Variants in TDO2 observed in about 807,000 individuals in gnomAD.
TDO2 encodes tryptamin 2,3-dioxygenase.
Under a neutral mutation model 61.2 loss-of-function variants are expected in TDO2, and 63 were observed. The observed-to-expected ratio is 1.03, with a 90% CI of 0.84 to 1.27. TDO2 has a LOEUF of 1.27. TDO2 is among the 50% of genes most tolerant of loss of function. The pLI is 0.00. For synonymous variants in TDO2, 183 were observed against 164.0 expected (o/e 1.12, Z -0.89); for missense variants, 494 against 469.5 (o/e 1.05, Z -0.48).
intron 7 of TDO2, among the ~76,000 whole-genome samples, chr4:155,912,066 C>A (rs930462324): frequency 6.6e-6 from 1 of 152,124 alleles, no homozygotes; most frequent in Non-Finnish European, 1.5e-5. Flanking sequence ...GGTCTCTCAT[C>A]CTCTTGGCAT....
At chr4:155,911,668 A>AT (rs1742834348) in intron 7 of TDO2, 64 bp downstream of exon 7, 1 of 1,186,210 alleles carries the variant, frequency 8.4e-7, no homozygotes. Context: ...TATTTTAATT[A>AT]TTTTTTGCTT....
Position 155,920,142 on chromosome 4 carries a change from T to G in TDO2, c.*152T>G. 1 of 688,932 alleles carries G rather than the reference T, an allele frequency of 1.5e-6. No individual in the cohort carries two copies. Among genetic ancestry groups the G allele is most frequent in the Non-Finnish European group, 2.4e-6 (1 of 415,488 alleles). The allele number at this position is 688,932 out of a possible 1,614,324, so 42.7% of individuals were successfully genotyped here. A position where few individuals can be genotyped will look rare whatever the true frequency, so the allele number is the denominator to read the frequency against. ...ATTCTAGAAACAATTTGATTACCTC[T>G]TGTTTGTGACAAGACTAAGCATTAA... On this transcript the variant is annotated 3_prime_UTR_variant, in exon 12 of 12. Transcript: ENST00000536354.
rs377025825 is a variant in TDO2, at chr4:155,906,149, G to C, written c.232+992G>C. On this transcript the variant is annotated intron_variant, in intron 3 of 11. Coordinates refer to ENST00000536354, the MANE Select transcript of TDO2 (RefSeq NM_005651.4). ...TCCATTTCCCCATACGTAAAATGGA[G>C]AGAATTACTGATGCTCTCACTTACA... 8 of 152,272 alleles carry C rather than the reference G, an allele frequency of 5.3e-5. No homozygotes were observed. In the South Asian group the frequency reaches 6.2e-4, roughly 12 times the overall value. 9.4% of individuals were successfully genotyped at this position (152,272 alleles called of 1,614,324 possible).
At chr4:155,914,041 C>T (rs1461267391) in intron 7 of TDO2, among the ~76,000 whole-genome samples, 1 of 151,916 alleles carries the variant, frequency 6.6e-6, no homozygotes, top group Admixed American at 6.6e-5. Context: ...TGGTAGTTAT[C>T]TCCAATTTTG....
chr4:155,911,523 A>G lies in TDO2; in HGVS notation c.645A>G (p.Leu215=), dbSNP rs1314868823. The change falls in exon 7 of 12, where the codon TTA becomes TTG. Residue 215 remains leucine (L), a synonymous_variant. Coordinates refer to ENST00000536354, the MANE Select transcript of TDO2 (RefSeq NM_005651.4). ...VEAWLERTPG[L]EPHGFNFWGK... ...CATGGCTGGAAAGAACTCCAGGTTT[A>G]GAGCCACATGGATTTAACTTCTGGG... 6.2e-7 allele frequency: 1 copy of G among 1,605,956 alleles called. No individual in the cohort carries two copies. The highest frequency in any genetic ancestry group is 1.1e-5 in the South Asian group (1 of 90,096).
At chr4:155,909,127 T>C (rs939815140) in intron 5 of TDO2, 113 bp downstream of exon 5, 38 of 1,083,800 alleles carry the variant, frequency 3.5e-5, no homozygotes, top group Non-Finnish European at 4.8e-5. Flanking sequence ...TACTAACATT[T>C]TGTCACTATA....
In TDO2 at chr4:155,911,542, T is replaced by G. The variant is rs764135609; in HGVS notation, c.664T>G (p.Phe222Val). Residue 222 changes from phenylalanine (F) to valine (V), a missense_variant, in exon 7 of 12, where the codon TTC becomes GTC. Physicochemically the swap from Phe to Val is conservative, Grantham distance 50 (BLOSUM62 -1). Transcript: ENST00000536354. Reference protein sequence around the residue: ...TPGLEPHGFNFWGKLEKNITR... With the variant: ...TPGLEPHGFNVWGKLEKNITR... ...AGGTTTAGAGCCACATGGATTTAAC[T>G]TCTGGGGAAAGCTTGAAAAAAATAT... is the stretch of plus-strand genomic sequence containing the variant. The G allele has an allele frequency of 2.5e-6, 4 of 1,604,704 alleles. No individual in the cohort carries two copies. Among genetic ancestry groups the G allele is most frequent in the Non-Finnish European group, 3.4e-6 (4 of 1,174,980 alleles).
Position 155,915,875 on chromosome 4 carries a change from A to G in TDO2, c.859A>G (p.Arg287Gly). 1 of 1,611,162 alleles carries G rather than the reference A, an allele frequency of 6.2e-7. No homozygotes were observed. The highest frequency in any genetic ancestry group is 2.2e-5 in the East Asian group (1 of 44,658). ...TGCAGGTGAAAGACGGCTGTCATAC[A>G]GAGCACTTCAGGGAGCATTGATGAT... ...LSKGERRLSY[R>G]ALQGALMIYF... The change falls in exon 9 of 12, where the codon AGA becomes GGA. Residue 287 changes from arginine (R) to glycine (G), a missense_variant. Transcript: ENST00000536354.
chr4:155,913,915 T>C (rs1742883251), intron 7 of TDO2, among the ~76,000 whole-genome samples: 1 of 152,078 alleles, frequency 6.6e-6, no homozygotes, highest in African/African-American at 2.4e-5. Flanking sequence ...ATATAGAACA[T>C]AGAATTTCAA....
intron 5 of TDO2, among the ~76,000 whole-genome samples, 156 bp from the exon 6 acceptor site, chr4:155,909,869 G>A (rs1465279427): frequency 3.1e-4 from 5 of 16,178 alleles, no homozygotes; most frequent in Non-Finnish European, 6.7e-4. Flanking sequence ...CTCTCCTCTG[G>A]ACTCCTCTCC....
intron 9 of TDO2, among the ~76,000 whole-genome samples, chr4:155,916,691 C>A (rs1039443517): frequency 6.6e-6 from 1 of 152,110 alleles, no homozygotes; most frequent in Admixed American, 6.5e-5. Context: ...CACTCCTACT[C>A]TATTGTATGA....
chr4:155,912,253 T>C (rs764743468), intron 7 of TDO2, among the ~76,000 whole-genome samples: 10 of 152,168 alleles, frequency 6.6e-5, no homozygotes, highest in Non-Finnish European at 1.2e-4. Context: ...TCTTTCAGCA[T>C]TGGCAAAATA....
At position 155,918,207 on chromosome 4, in the gene TDO2, C is replaced by T. The variant is rs1196791473; in HGVS notation, c.1035C>T (p.Ser345=). 3.7e-6 allele frequency: 6 copies of T among 1,614,070 alleles called. No individual in the cohort carries two copies. Among genetic ancestry groups the T allele is most frequent in the Non-Finnish European group, 5.1e-6 (6 of 1,179,958 alleles). Residue 345 remains serine (S), a synonymous_variant, in exon 11 of 12, where the codon TCC becomes TCT. Transcript: ENST00000536354. ...MLGSKAGTGG[S]SGYHYLRSTV... is the part of the protein sequence containing the mutation. ...GCAGCAAAGCTGGCACCGGTGGTTC[C>T]TCAGGCTATCACTACCTGCGATCAA...
intron 3 of TDO2, chr4:155,907,224 G>A (rs546218871): frequency 6.6e-6 from 1 of 152,556 alleles, no homozygotes; most frequent in African/African-American, 2.4e-5. Flanking sequence ...AAGTCTATGA[G>A]TTGCTAGGAT....
rs1579333474 is a variant in TDO2, at chr4:155,919,885, G to A, written c.1116G>A (p.Leu372=). 2 of 1,613,654 alleles carry A rather than the reference G, an allele frequency of 1.2e-6. No individual in the cohort carries two copies. The highest frequency in any genetic ancestry group is 1.3e-5 in the African/African-American group (1 of 75,016). Reference sequence around the variant, plus strand: ...ATTTATTTAATCTTTCAACATACCTGATTCCCCGACACTGGATACCGAAGA... The same window carrying A: ...ATTTATTTAATCTTTCAACATACCTAATTCCCCGACACTGGATACCGAAGA... ...FVDLFNLSTY[L]IPRHWIPKMN... Residue 372 remains leucine (L), a synonymous_variant, in exon 12 of 12, where the codon CTG becomes CTA. Transcript: ENST00000536354.
intron 11 of TDO2, 65 bp downstream of exon 11, chr4:155,918,304 C>T (rs1553958661): frequency 2.7e-6 from 4 of 1,506,286 alleles, no homozygotes; most frequent in Middle Eastern, 3.6e-4. Flanking sequence ...TCCACCTATA[C>T]ATTTGCTATC....
In TDO2 at chr4:155,914,435, G is replaced by A. The variant is rs1454137160; in HGVS notation, c.838+1G>A. On this transcript the variant is annotated splice_donor_variant, in intron 8 of 11. Coordinates refer to ENST00000536354, the MANE Select transcript of TDO2 (RefSeq NM_005651.4). LOFTEE classifies it high-confidence loss of function. The stretch of plus-strand genomic sequence containing the variant: ...CGTCATGAACATCTCCTTAGTAAAG[G>A]CAGGTATTTTTACTTTATGAATCTT... 6.4e-7 allele frequency: 1 copy of A among 1,573,808 alleles called. No individual in the cohort carries two copies.
chr4:155,910,317 G>C (rs1742807666), intron 6 of TDO2, 106 bp downstream of exon 6: 1 of 754,080 alleles, frequency 1.3e-6, no homozygotes, highest in South Asian at 2.1e-5. Context: ...GTTACATTCA[G>C]TGGAAATAAG....
At chr4:155,904,543 A>G (rs1218717045) in intron 2 of TDO2, among the ~76,000 whole-genome samples, 1 of 152,192 alleles carries the variant, frequency 6.6e-6, no homozygotes, top group Non-Finnish European at 1.5e-5. Flanking sequence ...ATTTTCTTAA[A>G]ATCATTAACA....
Sources: allele counts gnomAD v4.1 joint callset (sites outside exome capture counted in the v4.1 genomes callset), GRCh38; gene constraint gnomAD v4.1.1; transcripts MANE v1.5; gene names NCBI Gene and HGNC (gene_info 2026-07-23, HGNC 2026-07-21).